The following APBB2 variants were observed in gnomAD, a reference collection of about 807,000 sequenced individuals.
The protein encoded by APBB2 is amyloid beta precursor protein binding family B member 2.
A neutral mutation model predicts 82.5 loss-of-function variants in APBB2; 38 were observed. That is an observed-to-expected ratio of 0.46 (90% CI 0.36 to 0.60). APBB2 has a LOEUF of 0.60. Ranked by LOEUF, APBB2 falls within the 20% of genes least tolerant of loss-of-function variation. The pLI, the probability that APBB2 is intolerant of heterozygous loss-of-function variation, is 0.00. For missense variants in APBB2, 772 were observed against 972.3 expected (o/e 0.79, Z 2.74); for synonymous variants, 341 against 368.2 (o/e 0.93, Z 0.85).
intron 10 of APBB2, among the ~76,000 whole-genome samples, chr4:40,920,009 T>A (rs1780848125): frequency 6.6e-6 from 1 of 152,214 alleles, no homozygotes; most frequent in Admixed American, 6.5e-5. Flanking sequence ...TGGCTGTTTT[T>A]TCCTCTTTTG....
At chr4:41,196,017 G>C in intron 1 of APBB2, among the ~76,000 whole-genome samples, 4 of 143,306 alleles carry the variant, frequency 2.8e-5, no homozygotes, top group Non-Finnish European at 6.0e-5. Context: ...AAAATTAGCT[G>C]GGTGTGGTGG....
At chr4:40,937,363 A>G (rs1290698381) in intron 7 of APBB2, among the ~76,000 whole-genome samples, 3 of 152,246 alleles carry the variant, frequency 2.0e-5, no homozygotes, top group African/African-American at 7.2e-5. Flanking sequence ...TAATTAAAAC[A>G]GTTCTCTGCG....
In APBB2 at chr4:41,187,019, C is replaced by T. The variant is rs527278248; in HGVS notation, c.-417+27386G>A. Among the ~76,000 whole-genome samples the T allele has an allele frequency of 1.6e-3, 244 of 152,278 alleles. 1 individual carries two copies. The highest frequency in any genetic ancestry group is 3.8e-3 in the African/African-American group (159 of 41,564). On this transcript the variant is annotated intron_variant, in intron 1 of 17. Coordinates refer to ENST00000508593, the MANE Select transcript of APBB2 (RefSeq NM_004307.2). ...GCTTCTGCACACATATAGGAATCAT[C>T]AATATGAGAATGCTATTTTGTATTT...
At chr4:40,974,496 CTTT>C (rs928141286) in intron 6 of APBB2, among the ~76,000 whole-genome samples, 1 of 152,130 alleles carries the variant, frequency 6.6e-6, no homozygotes, top group Non-Finnish European at 1.5e-5. Context: ...TATACAGCTA[CTTT>C]TTTAAAAGGA....
intron 6 of APBB2, among the ~76,000 whole-genome samples, chr4:40,951,380 G>C (rs1413498411): frequency 2.0e-5 from 3 of 152,342 alleles, no homozygotes; most frequent in Admixed American, 2.0e-4. Flanking sequence ...AGCCGGCCTA[G>C]TCGAGGTATT....
intron 6 of APBB2, among the ~76,000 whole-genome samples, chr4:40,956,372 T>C (rs1428760920): frequency 6.6e-6 from 1 of 152,194 alleles, no homozygotes; most frequent in Admixed American, 6.5e-5. Flanking sequence ...GCAGAAACAC[T>C]GACTATGGTA....
At position 41,073,180 on chromosome 4, in the gene APBB2, T is replaced by C. The variant is rs373652429; in HGVS notation, c.-148-7507A>G. ...TCCCAATTATTTCCACAGAACATTCTTCTCGGCTAAAAAATATTTTTTACT... is the reference window on the plus strand; with the variant it reads ...TCCCAATTATTTCCACAGAACATTCCTCTCGGCTAAAAAATATTTTTTACT... On this transcript the variant is annotated intron_variant, in intron 3 of 17. Transcript: ENST00000508593. 8.5e-5 allele frequency among the ~76,000 whole-genome samples: 13 copies of C among 152,334 alleles called. No individual in the cohort carries two copies. The East Asian group carries it at 9.6e-4, about 11-fold the overall frequency.
At chr4:40,828,173 C>G (rs192049513) in intron 13 of APBB2, among the ~76,000 whole-genome samples, 4 of 152,102 alleles carry the variant, frequency 2.6e-5, no homozygotes, top group African/African-American at 7.2e-5. Context: ...GCGTGAAAGC[C>G]GACTAATACA....
chr4:40,906,683 C>G (rs765731512), intron 10 of APBB2, among the ~76,000 whole-genome samples: 1 of 151,998 alleles, frequency 6.6e-6, no homozygotes, highest in East Asian at 1.9e-4. Context: ...AAGAGGGACT[C>G]TGCATCTTTT....
chr4:41,055,425 C>A (rs1048046954), intron 4 of APBB2, among the ~76,000 whole-genome samples: 4 of 152,196 alleles, frequency 2.6e-5, no homozygotes, highest in African/African-American at 9.7e-5. Context: ...CAGTGCCCAG[C>A]GCGGAGTAAG....
In APBB2 at chr4:40,905,495, G is replaced by A. The variant is rs766735238; in HGVS notation, c.1255-12084C>T. On this transcript the variant is annotated intron_variant, in intron 10 of 17. Coordinates refer to ENST00000508593, the MANE Select transcript of APBB2 (RefSeq NM_004307.2). The stretch of plus-strand genomic sequence containing the variant: ...TGATGTCAAGTCCTTAAATGAAAAC[G>A]AAAGGATTCTTTCAAAGCAGATGCA... Among the ~76,000 whole-genome samples the A allele has an allele frequency of 9.9e-5, 15 of 152,190 alleles. No individual in the cohort carries two copies. The East Asian group carries it at 1.2e-3, about 12-fold the overall frequency.
At chr4:41,131,350 AAGTG>A (rs1755915684) in intron 2 of APBB2, among the ~76,000 whole-genome samples, 1 of 152,164 alleles carries the variant, frequency 6.6e-6, no homozygotes, top group African/African-American at 2.4e-5. Flanking sequence ...TTCTTTTGGG[AAGTG>A]AGTATGTACT....
intron 3 of APBB2, among the ~76,000 whole-genome samples, chr4:41,089,178 G>A (rs188542844): frequency 1.3e-5 from 2 of 152,260 alleles, no homozygotes; most frequent in East Asian, 3.9e-4. Flanking sequence ...TCTACAGTCA[G>A]CATCCTTCTG....
intron 1 of APBB2, among the ~76,000 whole-genome samples, chr4:41,149,956 T>A (rs1444259196): frequency 6.6e-6 from 1 of 152,204 alleles, no homozygotes; most frequent in Non-Finnish European, 1.5e-5. Context: ...CATGTGGAAC[T>A]GTGAGTCCAT....
At position 40,813,531 on chromosome 4, in the gene APBB2, C is replaced by T. The variant is rs1278940936; in HGVS notation, c.*2561G>A. ...ATGGCAGAAAGTGTCTGAACATACT[C>T]TTTAACATAATTTTACAAAATTAAT... On this transcript the variant is annotated 3_prime_UTR_variant, in exon 18 of 18. Transcript: ENST00000508593. The T allele has an allele frequency of 1.3e-5, 2 of 152,180 alleles. No individual in the cohort carries two copies. The highest frequency in any genetic ancestry group is 4.8e-5 in the African/African-American group (2 of 41,450). 9.4% of individuals were successfully genotyped at this position (152,180 alleles called of 1,614,324 possible). A position where few individuals can be genotyped will look rare whatever the true frequency, so the allele number is the denominator to read the frequency against.
rs147871861 is a variant in APBB2, at chr4:41,170,537, A to C, written c.-416-27395T>G. ...AGAGATAACCAAAAAATTCAAACTG[A>C]GGGGCATTCTACAATACAAAATAGC... On this transcript the variant is annotated intron_variant, in intron 1 of 17. Transcript: ENST00000508593. 3.8e-3 allele frequency among the ~76,000 whole-genome samples: 585 copies of C among 152,362 alleles called. 4 individuals are homozygous for C. Among genetic ancestry groups the C allele is most frequent in the African/African-American group, 0.013 (541 of 41,588 alleles).
At chr4:40,837,637 T>C (rs1754418254) in intron 12 of APBB2, among the ~76,000 whole-genome samples, 1 of 152,232 alleles carries the variant, frequency 6.6e-6, no homozygotes, top group African/African-American at 2.4e-5. Context: ...GTTTCTGCTC[T>C]CTGCTCCAGC....
At chr4:40,838,881 A>C (rs1754911949) in intron 12 of APBB2, among the ~76,000 whole-genome samples, 1 of 152,174 alleles carries the variant, frequency 6.6e-6, no homozygotes. Context: ...CCTCTCTTCC[A>C]AAAGGCATCT....
At chr4:40,824,423 C>T (rs745705050) in intron 15 of APBB2, among the ~76,000 whole-genome samples, 1 of 152,178 alleles carries the variant, frequency 6.6e-6, no homozygotes, top group African/African-American at 2.4e-5. Context: ...CATTCACATG[C>T]AATTCACTCA....
Sources: gnomAD v4.1 joint callset for allele counts (sites outside exome capture counted in the v4.1 genomes callset) on GRCh38, gnomAD v4.1.1 for gene constraint, MANE v1.5 for transcripts, NCBI Gene and HGNC (gene_info 2026-07-23, HGNC 2026-07-21) for gene names.